Variants in GLO1 observed in about 807,000 individuals in gnomAD.
GLO1 encodes glyoxalase I.
GLO1 carries 28 observed loss-of-function variants against 26.0 expected under a neutral mutation model. The observed-to-expected ratio is 1.08, with a 90% confidence interval of 0.80 to 1.48. GLO1 has a LOEUF of 1.48. Among genes scored for constraint, GLO1 ranks in the 40% most tolerant of loss-of-function variants. The pLI is 0.00. For synonymous variants in GLO1, 78 were observed against 77.6 expected (o/e 1.00, Z -0.03); for missense variants, 225 against 224.8 (o/e 1.00, Z -0.01).
At chr6:38,684,057 AAAAC>A (rs1177073137) in intron 3 of GLO1, among the ~76,000 whole-genome samples, 10 of 152,068 alleles carry the variant, frequency 6.6e-5, no homozygotes, top group Admixed American at 2.6e-4. Flanking sequence ...GCCTCTACCA[AAAAC>A]AAACAAACAA....
rs756641310 is a variant in GLO1, at chr6:38,703,021, T to A, written c.34A>T (p.Thr12Ser). ...CAGCAACTGAGGGCGGCCTCGTCCG[T>A]GAGGCCGCCGGACGGGGGCTGCGGT... ...AEPQPPSGGL[T>S]DEAALSCCSD... is the part of the protein sequence containing the mutation. The change falls in exon 1 of 6, where the codon ACG becomes TCG. Residue 12 changes from threonine (T) to serine (S), a missense_variant. Physicochemically the swap from Thr to Ser is moderately conservative, Grantham distance 58 (BLOSUM62 1). Transcript: ENST00000373365. 6.3e-7 allele frequency: 1 copy of A among 1,590,614 alleles called. No individual in the cohort carries two copies. The highest frequency in any genetic ancestry group is 1.7e-5 in the Admixed American group (1 of 57,964).
chr6:38,690,375 A>C (rs1761512731), intron 1 of GLO1, among the ~76,000 whole-genome samples: 1 of 152,210 alleles, frequency 6.6e-6, no homozygotes, highest in Non-Finnish European at 1.5e-5. Flanking sequence ...AACTGCCTCT[A>C]ACAAAGGAAT....
chr6:38,696,140 C>G (rs553942772), intron 1 of GLO1, among the ~76,000 whole-genome samples: 3 of 151,438 alleles, frequency 2.0e-5, no homozygotes, highest in Non-Finnish European at 4.4e-5. Flanking sequence ...ACAACTGCCT[C>G]CCACAATGGG....
At chr6:38,684,803 C>T (rs1431326318) in intron 2 of GLO1, among the ~76,000 whole-genome samples, 4 of 152,042 alleles carry the variant, frequency 2.6e-5, no homozygotes, top group Admixed American at 6.6e-5. Context: ...ACGGCTATCT[C>T]CAAAAGAGAA....
Position 38,678,076 on chromosome 6 carries a change from C to T in GLO1, c.467-693G>A, listed in dbSNP as rs114442792. ...AAAAGACCCAGATGCTTGGGTCATA[C>T]AAACCCTTTTAAATACTATCCTAGG... On this transcript the variant is annotated intron_variant, in intron 5 of 5. Coordinates refer to ENST00000373365, the MANE Select transcript of GLO1 (RefSeq NM_006708.3). 5.7e-3 allele frequency among the ~76,000 whole-genome samples: 872 copies of T among 152,326 alleles called. 10 individuals carry two copies. Among genetic ancestry groups the T allele is most frequent in the African/African-American group, 0.02 (822 of 41,570 alleles).
chr6:38,696,504 T>C (rs1357119259), intron 1 of GLO1, among the ~76,000 whole-genome samples: 1 of 152,226 alleles, frequency 6.6e-6, no homozygotes, highest in East Asian at 1.9e-4. Context: ...TCTGTCCTCA[T>C]AGATGGTACC....
At chr6:38,694,383 G>A (rs1761578488) in intron 1 of GLO1, among the ~76,000 whole-genome samples, 1 of 152,102 alleles carries the variant, frequency 6.6e-6, no homozygotes, top group African/African-American at 2.4e-5. Context: ...ATCAATTGTT[G>A]AAAGAGGAGC....
rs555778670 is a variant in GLO1, at chr6:38,699,768, C to CGCTTCTCT, written c.84+3195_84+3202dup. Among the ~76,000 whole-genome samples the CGCTTCTCT allele has an allele frequency of 3.1e-4, 47 of 152,164 alleles. No homozygotes were observed. In the East Asian group the frequency reaches 8.9e-3, roughly 29 times the overall value. The stretch of plus-strand genomic sequence containing the variant: ...CACCCTAGTAAATTTGTGGTCAGAC[C>CGCTTCTCT]GCTTCTCTGCTCTCGAACCCTGTTT... On this transcript the variant is annotated intron_variant, in intron 1 of 5. Transcript: ENST00000373365.
chr6:38,687,853 C>T (rs1014065613), intron 1 of GLO1, among the ~76,000 whole-genome samples: 1 of 151,926 alleles, frequency 6.6e-6, no homozygotes, highest in Non-Finnish European at 1.5e-5. Flanking sequence ...TATGTACCTT[C>T]CAGACCATAA....
intron 1 of GLO1, among the ~76,000 whole-genome samples, chr6:38,700,849 G>A (rs376484110): frequency 2.7e-5 from 4 of 147,628 alleles, no homozygotes; most frequent in South Asian, 2.1e-4. Flanking sequence ...GCATGATCTC[G>A]GCTCCCTGCA....
chr6:38,693,703 A>G (rs7741191), intron 1 of GLO1, among the ~76,000 whole-genome samples: 2 of 139,430 alleles, frequency 1.4e-5, no homozygotes, highest in Admixed American at 7.1e-5. Flanking sequence ...ATATATATAT[A>G]TATTTGTTTT....
chr6:38,693,199 C>CCTTAAA (rs1761555742), intron 1 of GLO1, among the ~76,000 whole-genome samples: 1 of 152,096 alleles, frequency 6.6e-6, no homozygotes, highest in Non-Finnish European at 1.5e-5. Flanking sequence ...AATTCAATTG[C>CCTTAAA]CTTAAGTTAT....
intron 1 of GLO1, among the ~76,000 whole-genome samples, chr6:38,695,982 G>A (rs1299780516): frequency 6.6e-6 from 1 of 152,172 alleles, no homozygotes; most frequent in Admixed American, 6.5e-5. Context: ...TCCCTAGCCA[G>A]TCTACCTTCT....
chr6:38,703,044 G>T lies in GLO1; in HGVS notation c.11C>A (p.Pro4Gln). The change falls in exon 1 of 6, where the codon CCG (proline) becomes CAG (glutamine). Residue 4 changes from proline to glutamine, a missense_variant. Physicochemically the swap from Pro to Gln is moderately conservative, Grantham distance 76. Coordinates refer to ENST00000373365, the MANE Select transcript of GLO1 (RefSeq NM_006708.3). MAE[P>Q]QPPSGGLTDE... ...CGTGAGGCCGCCGGACGGGGGCTGC[G>T]GTTCTGCCATGGCTGCGCTGCAGTA... 1 of 1,583,766 alleles carries T rather than the reference G, an allele frequency of 6.3e-7. No individual in the cohort carries two copies. Among genetic ancestry groups the T allele is most frequent in the Non-Finnish European group, 8.6e-7 (1 of 1,157,712 alleles).
intron 1 of GLO1, among the ~76,000 whole-genome samples, chr6:38,693,685 C>CTCTCTCTCTATATATATA (rs869232489): frequency 5.3e-3 from 456 of 86,236 alleles, no homozygotes; most frequent in Non-Finnish European, 8.3e-3. Context: ...CTCTCTCTCT[C>CTCTCTCTCTATATATATA]TATATATATA....
At chr6:38,680,175 G>A (rs1044998961) in intron 5 of GLO1, among the ~76,000 whole-genome samples, 3 of 152,198 alleles carry the variant, frequency 2.0e-5, no homozygotes, top group Non-Finnish European at 4.4e-5. Context: ...CTGTCCTTCA[G>A]ACATAAAGGC....
intron 1 of GLO1, among the ~76,000 whole-genome samples, chr6:38,693,715 T>A (rs1236482504): frequency 4.1e-5 from 6 of 146,516 alleles, no homozygotes; most frequent in Non-Finnish European, 9.0e-5. Context: ...ATTTGTTTTG[T>A]TTTGTTTTGT....
chr6:38,693,222 ATTAG>A (rs1327369549), intron 1 of GLO1, among the ~76,000 whole-genome samples: 1 of 152,200 alleles, frequency 6.6e-6, no homozygotes, highest in African/African-American at 2.4e-5. Flanking sequence ...GACTCATCAT[ATTAG>A]TTCATATTGG....
At chr6:38,687,871 A>G (rs1024999567) in intron 1 of GLO1, among the ~76,000 whole-genome samples, 3 of 151,592 alleles carry the variant, frequency 2.0e-5, no homozygotes, top group Admixed American at 1.3e-4. Flanking sequence ...TAAGTCTGTG[A>G]ACCTCACTGG....
Sources: gnomAD v4.1 joint callset for allele counts (sites outside exome capture counted in the v4.1 genomes callset) on GRCh38, gnomAD v4.1.1 for gene constraint, MANE v1.5 for transcripts, NCBI Gene and HGNC (gene_info 2026-07-23, HGNC 2026-07-21) for gene names.